ABL1: variants seen among roughly 807,000 people sequenced by gnomAD.
ABL1 encodes the protein tyrosine-protein kinase ABL1.
A neutral mutation model predicts 94.7 loss-of-function variants in ABL1; 11 were observed. The ratio of observed to expected loss-of-function variants is 0.12; its 90% CI spans 0.07 to 0.19. The LOEUF is 0.19. Among genes scored for constraint, ABL1 ranks in the 10% least tolerant of loss-of-function variants. The pLI, the probability that ABL1 is intolerant of heterozygous loss-of-function variation, is 1.00. For synonymous variants in ABL1, 656 were observed against 622.4 expected (o/e 1.05, Z -0.80); for missense variants, 1,082 against 1,489.4 (o/e 0.73, Z 4.50).
At chr9:130,811,859 C>T (rs571294273) in intron 1 of ABL1, among the ~76,000 whole-genome samples, 11 of 122,924 alleles carry the variant, frequency 8.9e-5, no homozygotes, top group Non-Finnish European at 1.3e-4. Flanking sequence ...TTGCAGTGAG[C>T]GGAGATAGTG....
chr9:130,756,890 T>C (rs181584048), intron 1 of ABL1, among the ~76,000 whole-genome samples: 2 of 152,292 alleles, frequency 1.3e-5, no homozygotes, highest in Non-Finnish European at 2.9e-5. Context: ...GCTCATGGTT[T>C]GGAATTTGGG....
intron 1 of ABL1, among the ~76,000 whole-genome samples, chr9:130,848,565 T>A (rs868469077): frequency 3.3e-5 from 5 of 152,000 alleles, no homozygotes; most frequent in South Asian, 4.1e-4. Flanking sequence ...AAAGCTTTTT[T>A]ATGTTTGTCA....
chr9:130,778,459 T>G (rs568804823), intron 1 of ABL1, among the ~76,000 whole-genome samples: 1 of 152,286 alleles, frequency 6.6e-6, no homozygotes, highest in East Asian at 1.9e-4. Flanking sequence ...GGTGGAGAAG[T>G]GGGTCAGGCG....
rs1354183620 is a variant in ABL1, at chr9:130,884,747, G to A, written c.2457G>A (p.Arg819=). ...SPPNLTPKPL[R]RQVTVAPASG... ...CCAACCTGACTCCAAAACCCCTCCG[G>A]CGGCAGGTCACCGTGGCCCCTGCCT... Residue 819 remains arginine, a synonymous_variant, in exon 11 of 11, where the codon CGG becomes CGA. Transcript: ENST00000318560. This position sits in a 1 kb window ranked among gnomAD's most constrained non-coding sequence, Gnocchi z 5.6. 1 of 1,612,344 alleles carries A rather than the reference G, an allele frequency of 6.2e-7. No homozygotes were observed. Among genetic ancestry groups the A allele is most frequent in the African/African-American group, 1.3e-5 (1 of 74,898 alleles).
chr9:130,713,909 G>T (rs1359937086), exon 1 of ABL1: 1 of 233,040 alleles, frequency 4.3e-6, no homozygotes, highest in Non-Finnish European at 8.5e-6. Flanking sequence ...GAAAAGTTCT[G>T]GAGGAGTAGC....
At position 130,884,634 on chromosome 9, in the gene ABL1, C is replaced by T; in HGVS notation, c.2344C>T (p.Pro782Ser). Reference sequence around the variant, plus strand: ...CCAGGTGACCCGAGGCACAGTAACGCCTCCCCCCAGGCTGGTGAAAAAGAA... The same window carrying T: ...CCAGGTGACCCGAGGCACAGTAACGTCTCCCCCCAGGCTGGTGAAAAAGAA... ...SDQVTRGTVT[P>S]PPRLVKKNEE... Residue 782 changes from proline (P) to serine (S), a missense_variant, in exon 11 of 11, where the codon CCT becomes TCT. By Grantham distance (74) the Pro-to-Ser change is moderately conservative. Coordinates refer to ENST00000318560, the MANE Select transcript of ABL1 (RefSeq NM_005157.6). The surrounding 1 kb of genome is among the most constrained non-coding windows in gnomAD (Gnocchi z 5.6). 6.2e-7 allele frequency: 1 copy of T among 1,613,346 alleles called. No homozygotes were observed. Among genetic ancestry groups the T allele is most frequent in the Non-Finnish European group, 8.5e-7 (1 of 1,180,022 alleles).
At chr9:130,749,166 T>C (rs1831924197) in intron 1 of ABL1, among the ~76,000 whole-genome samples, 1 of 152,180 alleles carries the variant, frequency 6.6e-6, no homozygotes, top group South Asian at 2.1e-4. Flanking sequence ...CAGTTCTTTT[T>C]TGGTTCTTTG....
At chr9:130,738,191 A>T (rs1284225255) in intron 1 of ABL1, among the ~76,000 whole-genome samples, 1 of 152,158 alleles carries the variant, frequency 6.6e-6, no homozygotes, top group Non-Finnish European at 1.5e-5. Context: ...GACCAAGGAA[A>T]TTGTAGTCTC....
chr9:130,739,183 T>C (rs1438657340), intron 1 of ABL1, among the ~76,000 whole-genome samples: 1 of 152,180 alleles, frequency 6.6e-6, no homozygotes, highest in Non-Finnish European at 1.5e-5. Flanking sequence ...CGTGAAACAC[T>C]GTGCCTGGCC....
chr9:130,814,184 G>A lies in ABL1; in HGVS notation c.137-39880G>A, dbSNP rs56973227. On this transcript the variant is annotated intron_variant, in intron 1 of 10. Coordinates refer to the ABL1 transcript ENST00000372348. This position sits in a 1 kb window ranked among gnomAD's most constrained non-coding sequence, Gnocchi z 4.4. ...CCTGTGTAATCCCAGCTACTCAGGA[G>A]GCTGAGGCAGGAGAATCGCTTTAAC... 0.028 allele frequency among the ~76,000 whole-genome samples: 4,237 copies of A among 152,240 alleles called. 202 individuals are homozygous for A. Among genetic ancestry groups the A allele is most frequent in the African/African-American group, 0.096 (3,986 of 41,526 alleles).
At chr9:130,870,606 A>G (rs979323990) in intron 4 of ABL1, among the ~76,000 whole-genome samples, 7 of 152,190 alleles carry the variant, frequency 4.6e-5, no homozygotes, top group African/African-American at 1.7e-4. Flanking sequence ...TCCATGCCAA[A>G]AAACAGCATG....
rs1413851403 is a variant in ABL1, at chr9:130,880,087, T to C, written c.1443T>C (p.Ser481=). The change falls in exon 9 of 11, where the codon TCT becomes TCC. Residue 481 remains serine (S), a synonymous_variant. Transcript: ENST00000318560. The surrounding 1 kb of genome is among the most constrained non-coding windows in gnomAD (Gnocchi z 4.4). ...LMRACWQWNP[S]DRPSFAEIHQ... is the part of the protein sequence containing the mutation. ...GTCCAGGTTGGCAGTGGAATCCCTC[T>C]GACCGGCCCTCCTTTGCTGAAATCC... is the stretch of plus-strand genomic sequence containing the variant. The C allele has an allele frequency of 1.2e-6, 2 of 1,614,238 alleles. No individual in the cohort carries two copies. Among genetic ancestry groups the C allele is most frequent in the Admixed American group, 1.7e-5 (1 of 60,036 alleles).
At position 130,854,782 on chromosome 9, in the gene ABL1, T is replaced by C; in HGVS notation, c.254-19T>C. Reference sequence around the variant, plus strand: ...GGTTTCCAAAGCTGATATGTCTGATTTGGTTCCTTTCTTCTCAGGTGAAAA... The same window carrying C: ...GGTTTCCAAAGCTGATATGTCTGATCTGGTTCCTTTCTTCTCAGGTGAAAA... On this transcript the variant is annotated intron_variant, in intron 2 of 10. Transcript: ENST00000318560. 1 of 1,606,054 alleles carries C rather than the reference T, an allele frequency of 6.2e-7. No homozygotes were observed. Among genetic ancestry groups the C allele is most frequent in the Non-Finnish European group, 8.5e-7 (1 of 1,174,480 alleles).
chr9:130,721,829 T>TG (rs781147851), intron 1 of ABL1, among the ~76,000 whole-genome samples: 67 of 149,312 alleles, frequency 4.5e-4, no homozygotes, highest in East Asian at 2.2e-3. Context: ...TTTGTTTTTT[T>TG]TTTTTTTTTT....
At chr9:130,716,607 C>A (rs1831444504) in intron 1 of ABL1, among the ~76,000 whole-genome samples, 1 of 151,974 alleles carries the variant, frequency 6.6e-6, no homozygotes, top group South Asian at 2.1e-4. Context: ...TCATGGACTG[C>A]CATTTTTACT....
chr9:130,866,131 G>A (rs567816551), intron 4 of ABL1, among the ~76,000 whole-genome samples: 3 of 152,106 alleles, frequency 2.0e-5, no homozygotes, highest in Non-Finnish European at 4.4e-5. Flanking sequence ...TCAGTTAAGG[G>A]ACATTCACCC....
intron 1 of ABL1, among the ~76,000 whole-genome samples, chr9:130,848,567 T>A (rs1022943740): frequency 2.6e-5 from 4 of 152,006 alleles, no homozygotes; most frequent in African/African-American, 7.2e-5. Flanking sequence ...AGCTTTTTTA[T>A]GTTTGTCATT....
At chr9:130,870,138 A>G (rs962246633) in intron 4 of ABL1, among the ~76,000 whole-genome samples, 1 of 152,204 alleles carries the variant, frequency 6.6e-6, no homozygotes, top group Non-Finnish European at 1.5e-5. Context: ...TTAAAATTAT[A>G]AATTGGACAA....
In ABL1 at chr9:130,884,445, G is replaced by A. The variant is rs145494071; in HGVS notation, c.2155G>A (p.Ala719Thr). Residue 719 changes from alanine (A) to threonine (T), a missense_variant, in exon 11 of 11, where the codon GCC (alanine) becomes ACC (threonine). Transcript: ENST00000318560. The surrounding 1 kb of genome is among the most constrained non-coding windows in gnomAD (Gnocchi z 5.6). ...SSKRFLRSCS[A>T]SCVPHGAKDT... ...CAAGCGCTTCCTGCGCTCTTGCTCC[G>A]CCTCCTGCGTTCCCCATGGGGCCAA... 37 of 1,612,482 alleles carry A rather than the reference G, an allele frequency of 2.3e-5. No individual in the cohort carries two copies. The highest frequency in any genetic ancestry group is 1.6e-4 in the Middle Eastern group (1 of 6,082).
Sources: allele counts gnomAD v4.1 joint callset (sites outside exome capture counted in the v4.1 genomes callset), GRCh38; gene constraint gnomAD v4.1.1; non-coding constraint Gnocchi (gnomAD v3.1); transcripts MANE v1.5; gene names NCBI Gene and HGNC (gene_info 2026-07-23, HGNC 2026-07-21).